Variants in EPC1 observed in about 807,000 individuals in gnomAD.
EPC1 encodes the protein enhancer of polycomb homolog 1.
In EPC1, 12 loss-of-function variants were observed where a neutral mutation model predicts 98.4. The observed-to-expected ratio is 0.12, with a 90% CI of 0.08 to 0.20. The LOEUF (loss-of-function observed/expected upper bound fraction) is 0.20. EPC1 is among the 10% of genes least tolerant of loss of function. The pLI is 1.00. For synonymous variants in EPC1, 357 were observed against 363.9 expected (o/e 0.98, Z 0.21); for missense variants, 729 against 990.5 (o/e 0.74, Z 3.54).
At chr10:32,311,991 CTT>C (rs1020405596) in intron 1 of EPC1, among the ~76,000 whole-genome samples, 1 of 152,166 alleles carries the variant, frequency 6.6e-6, no homozygotes, top group African/African-American at 2.4e-5. Context: ...GAATTTTCCA[CTT>C]AATATTTTCA....
At chr10:32,330,888 C>T (rs1212187672) in intron 1 of EPC1, among the ~76,000 whole-genome samples, 10 of 151,684 alleles carry the variant, frequency 6.6e-5, no homozygotes, top group Non-Finnish European at 1.3e-4. Context: ...AAAAGCGGAA[C>T]AAAATGTTTG....
At chr10:32,313,468 A>G (rs1022940343) in intron 1 of EPC1, among the ~76,000 whole-genome samples, 2 of 152,268 alleles carry the variant, frequency 1.3e-5, no homozygotes, top group Non-Finnish European at 2.9e-5. Flanking sequence ...AGTACTATGA[A>G]GGAAAAGTAC....
intron 1 of EPC1, chr10:32,377,264 A>G (rs1190546109): frequency 6.6e-6 from 1 of 152,214 alleles, no homozygotes; most frequent in Non-Finnish European, 1.5e-5. Context: ...TTATATGACT[A>G]CTTATTAGAA....
At position 32,326,503 on chromosome 10, in the gene EPC1, G is replaced by A. The variant is rs537215577; in HGVS notation, c.153+20260C>T. On this transcript the variant is annotated intron_variant, in intron 1 of 13. Transcript: ENST00000319778. ...GTATTTTATGCCACTAAGATTTTGA[G>A]GTTCTTGGTTATCACAGCATATCCT... is the stretch of plus-strand genomic sequence containing the variant. Among the ~76,000 whole-genome samples the A allele has an allele frequency of 4.6e-5, 7 of 152,224 alleles. No homozygotes were observed. In the South Asian group the frequency reaches 1.4e-3, roughly 32 times the overall value.
intron 6 of EPC1, among the ~76,000 whole-genome samples, chr10:32,289,272 C>T (rs1003600811): frequency 6.6e-6 from 1 of 151,872 alleles, no homozygotes; most frequent in Admixed American, 6.6e-5. Flanking sequence ...AAGAGAATAA[C>T]GAGAATAACT....
intron 6 of EPC1, among the ~76,000 whole-genome samples, chr10:32,287,868 G>A (rs923410510): frequency 6.6e-6 from 1 of 152,066 alleles, no homozygotes; most frequent in South Asian, 2.1e-4. Flanking sequence ...ATAAAGATAT[G>A]AAATCATTAA....
intron 2 of EPC1, among the ~76,000 whole-genome samples, chr10:32,302,472 A>AC (rs1835614635): frequency 6.6e-6 from 1 of 151,040 alleles, no homozygotes; most frequent in South Asian, 2.1e-4. Flanking sequence ...ACTTGGGGAG[A>AC]CCCCATCTCT....
upstream of EPC1, among the ~76,000 whole-genome samples, chr10:32,350,181 T>C (rs1000672421): frequency 6.6e-6 from 1 of 151,936 alleles, no homozygotes; most frequent in Middle Eastern, 3.2e-3. Context: ...AGGGAAACTC[T>C]TGTTTGGGAA....
intron 6 of EPC1, among the ~76,000 whole-genome samples, chr10:32,289,841 G>A (rs930015661): frequency 6.6e-6 from 1 of 151,928 alleles, no homozygotes; most frequent in East Asian, 1.9e-4. Context: ...AGCCAGGATG[G>A]TCTCGATCTC....
In EPC1 at chr10:32,271,611, G is replaced by C; in HGVS notation, c.2312C>G (p.Ala771Gly). 6.2e-7 allele frequency: 1 copy of C among 1,614,180 alleles called. No homozygotes were observed. The highest frequency in any genetic ancestry group is 8.5e-7 in the Non-Finnish European group (1 of 1,180,016). ...VPSSALKLAA[A>G]ANCQVSKVPS... The stretch of plus-strand genomic sequence containing the variant: ...GACCTTGGAAACTTGACAGTTTGCT[G>C]CAGCGGCCAGCTTTAAGGCAGATGA... Residue 771 changes from alanine to glycine, a missense_variant, in exon 13 of 14, where the codon GCA (alanine) becomes GGA (glycine). Physicochemically the swap from Ala to Gly is moderately conservative, Grantham distance 60. This residue lies in a region of EPC1 where 156 missense variants were observed against 188.9 expected (regional missense o/e 0.83). Transcript: ENST00000319778.
intron 9 of EPC1, chr10:32,285,597 C>T (rs1836638709): frequency 6.6e-6 from 1 of 152,526 alleles, no homozygotes; most frequent in Non-Finnish European, 1.5e-5. Context: ...CCTGCCTCAG[C>T]CTCCCGAGTA....
At chr10:32,371,722 A>C (rs1450963036) in intron 1 of EPC1, among the ~76,000 whole-genome samples, 1 of 152,064 alleles carries the variant, frequency 6.6e-6, no homozygotes, top group Non-Finnish European at 1.5e-5. Context: ...AACATGGTGA[A>C]ACCTCATCTC....
chr10:32,296,027 G>A (rs1423908292), intron 2 of EPC1, among the ~76,000 whole-genome samples: 3 of 151,548 alleles, frequency 2.0e-5, no homozygotes, highest in East Asian at 1.9e-4. Flanking sequence ...GGGTTCAAGC[G>A]ATTCTCCTGC....
chr10:32,342,587 A>C (rs1838433425), intron 1 of EPC1, among the ~76,000 whole-genome samples: 1 of 152,228 alleles, frequency 6.6e-6, no homozygotes, highest in Non-Finnish European at 1.5e-5. Context: ...GTGCTGGATT[A>C]TGGTGGTTAG....
intron 13 of EPC1, chr10:32,269,376 C>T: frequency 2.7e-6 from 1 of 377,150 alleles, no homozygotes. Flanking sequence ...AGTACTCAAG[C>T]AACCTAGATG....
intron 13 of EPC1, 106 bp downstream of exon 13, chr10:32,271,448 T>C: frequency 7.8e-7 from 1 of 1,283,948 alleles, no homozygotes; most frequent in Non-Finnish European, 1.1e-6. Flanking sequence ...TTTCAATGTA[T>C]AAAAGGAAAA....
intron 1 of EPC1, among the ~76,000 whole-genome samples, chr10:32,358,166 A>G (rs1353676082): frequency 6.6e-6 from 1 of 152,190 alleles, no homozygotes; most frequent in Admixed American, 6.5e-5. Flanking sequence ...ACTTCTCAGT[A>G]TAATTTGAGA....
chr10:32,273,155 T>C lies in EPC1; in HGVS notation c.1863+8A>G, dbSNP rs944702321. ...GAGGGATAATCATAAGACAGACAAA[T>C]CCCTCACCTGTGATGTGTTGGTGGA... is the stretch of plus-strand genomic sequence containing the variant. On this transcript the variant is annotated splice_region_variant and intron_variant, in intron 11 of 13. Coordinates refer to ENST00000319778, the MANE Select transcript of EPC1 (RefSeq NM_001272004.3). The C allele has an allele frequency of 6.2e-7, 1 of 1,614,056 alleles. No individual in the cohort carries two copies. The highest frequency in any genetic ancestry group is 8.5e-7 in the Non-Finnish European group (1 of 1,179,982).
intron 1 of EPC1, among the ~76,000 whole-genome samples, chr10:32,354,077 A>G (rs1839201582): frequency 6.6e-6 from 1 of 152,214 alleles, no homozygotes; most frequent in African/African-American, 2.4e-5. Context: ...TTGTGCATGG[A>G]GGTCTGTACA....
Sources: allele counts gnomAD v4.1 joint callset (sites outside exome capture counted in the v4.1 genomes callset), GRCh38; gene constraint gnomAD v4.1.1; regional missense constraint gnomAD v4.1.1; transcripts MANE v1.5; gene names NCBI Gene and HGNC (gene_info 2026-07-23, HGNC 2026-07-21).